The following NLRP7 variants were observed in gnomAD, a reference collection of about 807,000 sequenced individuals.
NLRP7 encodes NACHT, LRR and PYD domains-containing protein 7.
Under a neutral mutation model 85.5 loss-of-function variants are expected in NLRP7, and 72 were observed. The ratio of observed to expected loss-of-function variants is 0.84; its 90% CI spans 0.70 to 1.02. NLRP7 has a LOEUF of 1.02. NLRP7 is among the 50% of genes least tolerant of loss of function. NLRP7 has a pLI of 0.00. For missense variants in NLRP7, 1,243 were observed against 1,219.5 expected, an observed-to-expected ratio of 1.02 and a Z score of -0.29; for synonymous variants, 550 against 505.2, an observed-to-expected ratio of 1.09 and a Z score of -1.19.
intron 1 of NLRP7, among the ~76,000 whole-genome samples, chr19:54,955,484 C>T (rs1421621561): frequency 6.6e-6 from 1 of 152,148 alleles, no homozygotes; most frequent in Non-Finnish European, 1.5e-5. Flanking sequence ...GCCTGGACAA[C>T]ATGATGAAAC....
chr19:54,953,270 G>C (rs1050285583), intron 1 of NLRP7: 1 of 152,130 alleles, frequency 6.6e-6, no homozygotes, highest in African/African-American at 2.4e-5. Flanking sequence ...CCCGTCTCAA[G>C]AGCCGAGATC....
chr19:54,936,426 T>C, exon 6 of NLRP7: 1 of 1,613,938 alleles, frequency 6.2e-7, no homozygotes, highest in South Asian at 1.1e-5. Flanking sequence ...GGTGACGTTT[T>C]TAATCCTAGG....
intron 1 of NLRP7, among the ~76,000 whole-genome samples, chr19:54,955,776 G>A (rs1305302917): frequency 6.6e-6 from 1 of 152,102 alleles, no homozygotes; most frequent in African/African-American, 2.4e-5. Flanking sequence ...GACACAGCAA[G>A]ACTGAGGTTG....
At chr19:54,964,440 T>A (rs1463020025) in intron 1 of NLRP7, among the ~76,000 whole-genome samples, 5 of 145,712 alleles carry the variant, frequency 3.4e-5, no homozygotes, top group African/African-American at 5.0e-5. Flanking sequence ...ATGGTCTCGA[T>A]CTCCTGACCT....
chr19:54,959,179 C>T (rs1400863500), intron 1 of NLRP7, among the ~76,000 whole-genome samples: 1 of 148,686 alleles, frequency 6.7e-6, no homozygotes, highest in Admixed American at 6.7e-5. Context: ...TGCTCTGTCG[C>T]TAAGGCTGGA....
In NLRP7 at chr19:54,930,115, CAAAAAAAAA is replaced by C. The variant is rs34446838; in HGVS notation, c.2810+375_2810+383del. On this transcript the variant is annotated intron_variant, in intron 9 of 9. Coordinates refer to ENST00000340844, the Ensembl canonical transcript of NLRP7. The stretch of plus-strand genomic sequence containing the variant: ...GGGCAACTAGAACGAGGCTCCGTCT[CAAAAAAAAA>C]AAAAAAAAAAGAAAACATAGAAATT... Among the ~76,000 whole-genome samples, 163 of 100,546 alleles carry C rather than the reference CAAAAAAAAA, an allele frequency of 1.6e-3. 1 individual carries two copies. Among genetic ancestry groups the C allele is most frequent in the South Asian group, 6.8e-3 (20 of 2,952 alleles). The allele number at this position is 100,546 out of a possible 152,430, so 66.0% of individuals were successfully genotyped here. A position where few individuals can be genotyped will look rare whatever the true frequency, so the allele number is the denominator to read the frequency against.
At chr19:54,952,903 C>T (rs945783419) in intron 1 of NLRP7, among the ~76,000 whole-genome samples, 1 of 151,818 alleles carries the variant, frequency 6.6e-6, no homozygotes, top group Non-Finnish European at 1.5e-5. Flanking sequence ...TTTGGGAGGC[C>T]GAGGCGGGTG....
upstream of NLRP7, among the ~76,000 whole-genome samples, chr19:54,951,844 G>A (rs957043193): frequency 1.1e-4 from 16 of 151,584 alleles, no homozygotes; most frequent in African/African-American, 2.2e-4. Context: ...TCCGCCTCCC[G>A]GGTTCACACA....
chr19:54,956,493 C>T (rs1486960072), intron 1 of NLRP7, among the ~76,000 whole-genome samples: 1 of 151,620 alleles, frequency 6.6e-6, no homozygotes, highest in Non-Finnish European at 1.5e-5. Context: ...ACTTTGAGAC[C>T]ACCCTGGTGA....
rs141553552 is a variant in NLRP7 at position 54,940,027 on chromosome 19, C to T, written c.792G>A (p.Ala264=). ...AGTCCCCGCAGATGTCCTGGATCAG[C>T]GCCCCAGGTGGGACTTTCAGCTCAT... The change falls in exon 4 of 10, where the codon GCG becomes GCA. Residue 264 remains alanine, a synonymous_variant. Transcript: ENST00000340844. 5.6e-5 allele frequency: 90 copies of T among 1,614,064 alleles called. No homozygotes were observed. The African/African-American group carries it at 1.0e-3, about 19-fold the overall frequency.
At chr19:54,944,202 A>G (rs1292999037) in intron 1 of NLRP7, among the ~76,000 whole-genome samples, 1 of 151,830 alleles carries the variant, frequency 6.6e-6, no homozygotes, top group Admixed American at 6.6e-5. Flanking sequence ...TGCAGTTAAG[A>G]GGAAGGTATC....
At chr19:54,937,011 G>A (rs11673095) in intron 5 of NLRP7, among the ~76,000 whole-genome samples, 2,577 of 152,112 alleles carry the variant, frequency 0.017, 30 homozygotes, top group Middle Eastern at 0.085. Context: ...GAGGTCAGGA[G>A]ATCAAGACCA....
upstream of NLRP7, chr19:54,947,713 CG>C (rs143718525): frequency 1.0e-3 from 1,231 of 1,174,810 alleles, 12 homozygotes; most frequent in African/African-American, 0.016. Flanking sequence ...TGGAGAATTA[CG>C]GCTTGCTGAA....
chr19:54,939,480 G>C, exon 4 of NLRP7: 2 of 1,613,958 alleles, frequency 1.2e-6, no homozygotes, highest in Non-Finnish European at 1.7e-6. Flanking sequence ...TCCAGGAACA[G>C]ACGGAGGTCG....
intron 9 of NLRP7, among the ~76,000 whole-genome samples, chr19:54,925,131 C>G (rs1465307831): frequency 6.6e-6 from 1 of 152,000 alleles, no homozygotes; most frequent in African/African-American, 2.4e-5. Flanking sequence ...GTCTCAAACT[C>G]CTGGCCTCAA....
At chr19:54,951,109 A>G (rs1328173943), upstream of NLRP7, among the ~76,000 whole-genome samples, 3 of 152,236 alleles carry the variant, frequency 2.0e-5, no homozygotes, top group African/African-American at 4.8e-5. Context: ...CAGAGAGCAC[A>G]GGGTTGGGGG....
chr19:54,961,365 C>T (rs913239304), intron 1 of NLRP7, among the ~76,000 whole-genome samples: 29 of 151,908 alleles, frequency 1.9e-4, no homozygotes, highest in African/African-American at 6.5e-4. Context: ...ACAAAATTAG[C>T]TTGGTATGGT....
intron 9 of NLRP7, among the ~76,000 whole-genome samples, chr19:54,926,905 G>A (rs543289216): frequency 1.2e-4 from 14 of 118,156 alleles, no homozygotes; most frequent in Admixed American, 5.6e-4. Context: ...GACAGAGAGA[G>A]ACTCTGTCTT....
upstream of NLRP7, among the ~76,000 whole-genome samples, chr19:54,950,656 A>G (rs1017822405): frequency 9.9e-5 from 15 of 151,614 alleles, no homozygotes; most frequent in African/African-American, 3.6e-4. Flanking sequence ...CGCATGTCCC[A>G]CCTCCAGCCC....
Sources: gnomAD v4.1 joint callset for allele counts (sites outside exome capture counted in the v4.1 genomes callset) on GRCh38, gnomAD v4.1.1 for gene constraint, MANE v1.5 for transcripts, NCBI Gene and HGNC (gene_info 2026-07-23, HGNC 2026-07-21) for gene names.